PTPRR: variants seen among roughly 807,000 people sequenced by gnomAD.
PTPRR encodes receptor-type tyrosine-protein phosphatase R.
A neutral mutation model predicts 77.2 loss-of-function variants in PTPRR; 38 were observed. The observed-to-expected ratio is 0.49, with a 90% CI of 0.38 to 0.65. PTPRR has a LOEUF of 0.65. Ranked by LOEUF, PTPRR falls within the 30% of genes least tolerant of loss-of-function variation. The pLI, the probability that PTPRR is intolerant of heterozygous loss-of-function variation, is 0.00. For synonymous variants in PTPRR, 299 were observed against 283.1 expected (o/e 1.06, Z -0.57); for missense variants, 744 against 799.2 (o/e 0.93, Z 0.83).
chr12:70,906,407 C>T (rs2137132013), intron 1 of PTPRR, among the ~76,000 whole-genome samples: 1 of 152,050 alleles, frequency 6.6e-6, no homozygotes. Context: ...GCAGGGATTT[C>T]CAGAAATTCT....
chr12:70,729,287 T>G (rs965427508), intron 6 of PTPRR, among the ~76,000 whole-genome samples: 3 of 152,200 alleles, frequency 2.0e-5, no homozygotes, highest in Non-Finnish European at 2.9e-5. Flanking sequence ...TAGATCTTTA[T>G]ACAGATTACA....
At chr12:70,767,796 A>G (rs1250833493) in intron 2 of PTPRR, among the ~76,000 whole-genome samples, 4 of 152,254 alleles carry the variant, frequency 2.6e-5, no homozygotes, top group Non-Finnish European at 5.9e-5. Flanking sequence ...GTAAAAGAAC[A>G]GAAATTGTAA....
intron 6 of PTPRR, among the ~76,000 whole-genome samples, chr12:70,710,647 ACT>A (rs1280442575): frequency 6.6e-6 from 1 of 152,050 alleles, no homozygotes; most frequent in Non-Finnish European, 1.5e-5. Context: ...ATTTTTGCCA[ACT>A]CTGCATCAGA....
chr12:70,919,931 G>A lies in PTPRR; in HGVS notation c.58+402C>T, dbSNP rs551519432. Reference sequence around the variant, plus strand: ...CCTATGAGCGCTCGCTAGACCAAGAGACCTTATGAATGTAGTAGCCGCTGC... The same window carrying A: ...CCTATGAGCGCTCGCTAGACCAAGAAACCTTATGAATGTAGTAGCCGCTGC... On this transcript the variant is annotated intron_variant, in intron 1 of 13. Coordinates refer to ENST00000283228, the MANE Select transcript of PTPRR (RefSeq NM_002849.4). Among the ~76,000 whole-genome samples, 3 of 152,016 alleles carry A rather than the reference G, an allele frequency of 2.0e-5. No individual in the cohort carries two copies. The South Asian group carries it at 6.2e-4, about 32-fold the overall frequency.
intron 2 of PTPRR, among the ~76,000 whole-genome samples, chr12:70,886,436 G>C (rs929924663): frequency 3.9e-5 from 6 of 152,020 alleles, no homozygotes; most frequent in African/African-American, 1.4e-4. Context: ...TCTTTTTCTA[G>C]GCTTTCTTAA....
intron 10 of PTPRR, among the ~76,000 whole-genome samples, chr12:70,673,588 T>C (rs1887327732): frequency 6.6e-6 from 1 of 152,240 alleles, no homozygotes. Context: ...AATAGTTTCA[T>C]AAATTATGGT....
intron 13 of PTPRR, among the ~76,000 whole-genome samples, chr12:70,647,331 G>A (rs1886237924): frequency 6.6e-6 from 1 of 152,204 alleles, no homozygotes; most frequent in African/African-American, 2.4e-5. Context: ...AATCTGCAAT[G>A]GAATATGTTC....
chr12:70,783,153 A>G, intron 2 of PTPRR, among the ~76,000 whole-genome samples: 1 of 152,146 alleles, frequency 6.6e-6, no homozygotes, highest in East Asian at 1.9e-4. Flanking sequence ...AGGTATGCAG[A>G]CAAGTGAAGG....
In PTPRR at chr12:70,639,117, G is replaced by T; in HGVS notation, c.*67C>A. ...CTTCCATTGCAGGAAGCTCCTTCTA[G>T]AAGCCTTGGGTGGGTAATTTGATTA... On this transcript the variant is annotated 3_prime_UTR_variant, in exon 14 of 14. Transcript: ENST00000283228. 1.4e-6 allele frequency: 2 copies of T among 1,395,484 alleles called. No individual in the cohort carries two copies. Among genetic ancestry groups the T allele is most frequent in the Non-Finnish European group, 1.0e-6 (1 of 999,000 alleles). 86.4% of individuals were successfully genotyped at this position (1,395,484 alleles called of 1,614,324 possible).
chr12:70,797,748 T>C (rs1891542064), intron 2 of PTPRR, among the ~76,000 whole-genome samples: 1 of 152,206 alleles, frequency 6.6e-6, no homozygotes, highest in South Asian at 2.1e-4. Context: ...TTAGCTTCTG[T>C]GGCATCATAT....
chr12:70,750,789 G>T (rs1047374944), intron 5 of PTPRR, among the ~76,000 whole-genome samples: 4 of 152,162 alleles, frequency 2.6e-5, no homozygotes, highest in African/African-American at 7.2e-5. Flanking sequence ...GAGTAAAGTG[G>T]CATGATCATA....
intron 1 of PTPRR, among the ~76,000 whole-genome samples, chr12:70,907,677 T>A (rs12828504): frequency 1.3e-5 from 2 of 152,082 alleles, no homozygotes; most frequent in East Asian, 3.9e-4. Context: ...TAGACATAAG[T>A]CATGAAGAAA....
chr12:70,774,287 C>A (rs1050969514), intron 2 of PTPRR, among the ~76,000 whole-genome samples: 1 of 152,178 alleles, frequency 6.6e-6, no homozygotes, highest in African/African-American at 2.4e-5. Flanking sequence ...ATGCTGGGAA[C>A]CCACAAGCCC....
chr12:70,806,367 T>G (rs143801920), intron 2 of PTPRR, among the ~76,000 whole-genome samples: 8 of 152,270 alleles, frequency 5.3e-5, no homozygotes, highest in African/African-American at 7.2e-5. Flanking sequence ...GGTGATAAGA[T>G]ACGCAGTTTG....
At position 70,745,932 on chromosome 12, in the gene PTPRR, A is replaced by G. The variant is rs1221601980; in HGVS notation, c.893T>C (p.Val298Ala). 2 of 1,613,906 alleles carry G rather than the reference A, an allele frequency of 1.2e-6. No homozygotes were observed. The highest frequency in any genetic ancestry group is 2.2e-5 in the East Asian group (1 of 44,868). ...SMVQPEQAPK[V>A]LNVVVDPQGR... ...TTGAGGGTCCACGACAACATTCAGT[A>G]CCTTTGGGGCCTGCTCAGGTTGGAC... Residue 298 changes from valine to alanine, a missense_variant, in exon 6 of 14, where the codon GTA becomes GCA. Val to Ala is a moderately conservative substitution (Grantham distance 64). Transcript: ENST00000283228.
intron 2 of PTPRR, among the ~76,000 whole-genome samples, chr12:70,816,292 A>G (rs1338824714): frequency 6.6e-6 from 1 of 152,134 alleles, no homozygotes; most frequent in Non-Finnish European, 1.5e-5. Flanking sequence ...TGCAAATATG[A>G]AAATGAATGC....
chr12:70,774,166 C>T (rs1388360507), intron 2 of PTPRR, among the ~76,000 whole-genome samples: 1 of 152,320 alleles, frequency 6.6e-6, no homozygotes, highest in East Asian at 1.9e-4. Flanking sequence ...CCTTAGTTTT[C>T]TCAAATGGTG....
chr12:70,883,244 A>C (rs948214253), intron 2 of PTPRR, among the ~76,000 whole-genome samples: 1 of 152,140 alleles, frequency 6.6e-6, no homozygotes, highest in Non-Finnish European at 1.5e-5. Flanking sequence ...CTGGGTGACA[A>C]GAACAAAACT....
intron 10 of PTPRR, among the ~76,000 whole-genome samples, chr12:70,679,386 T>A (rs574326580): frequency 6.6e-6 from 1 of 152,310 alleles, no homozygotes; most frequent in South Asian, 2.1e-4. Context: ...AAATATTCTG[T>A]AAATATCTGT....
Sources: allele counts gnomAD v4.1 joint callset (sites outside exome capture counted in the v4.1 genomes callset), GRCh38; gene constraint gnomAD v4.1.1; transcripts MANE v1.5; gene names NCBI Gene and HGNC (gene_info 2026-07-23, HGNC 2026-07-21).